PHACTR4: variants seen among roughly 807,000 people sequenced by gnomAD.
The protein encoded by PHACTR4 is protein phosphatase 1, regulatory subunit 124.
PHACTR4 carries 51 observed loss-of-function variants against 72.7 expected under a neutral mutation model. The observed-to-expected ratio is 0.70, with a 90% CI of 0.56 to 0.89. The LOEUF is 0.89. Ranked by LOEUF, PHACTR4 falls within the 40% of genes least tolerant of loss-of-function variation. The pLI is 0.00. For missense variants in PHACTR4, 731 were observed against 861.8 expected, an observed-to-expected ratio of 0.85 and a Z score of 1.90; for synonymous variants, 255 against 302.5, an observed-to-expected ratio of 0.84 and a Z score of 1.63.
chr1:28,481,423 G>A (rs1384269712), intron 9 of PHACTR4: 14 of 152,070 alleles, frequency 9.2e-5, no homozygotes, highest in African/African-American at 3.1e-4. Flanking sequence ...AGGCCCTTTG[G>A]GCCTGACAAC....
chr1:28,453,516 A>G (rs1658131160), intron 2 of PHACTR4: 3 of 569,422 alleles, frequency 5.3e-6, no homozygotes, highest in Non-Finnish European at 3.2e-6. Flanking sequence ...GTATATATAC[A>G]TAGGTGGTGG....
intron 6 of PHACTR4, among the ~76,000 whole-genome samples, chr1:28,469,798 G>T (rs1659446759): frequency 6.6e-6 from 1 of 151,892 alleles, no homozygotes; most frequent in Admixed American, 6.6e-5. Context: ...GCTCATGCCT[G>T]TAATCCCAGC....
At chr1:28,441,229 A>AT (rs970329040) in intron 2 of PHACTR4, among the ~76,000 whole-genome samples, 16 of 149,234 alleles carry the variant, frequency 1.1e-4, no homozygotes, top group Admixed American at 4.0e-4. Context: ...ATTTAATTTT[A>AT]TTTTTTTTTT....
Position 28,499,376 on chromosome 1 carries a change from C to A in PHACTR4, c.*2827C>A, listed in dbSNP as rs1661539924. 1 of 152,104 alleles carries A rather than the reference C, an allele frequency of 6.6e-6. No homozygotes were observed. The highest frequency in any genetic ancestry group is 2.1e-4 in the South Asian group (1 of 4,822). 9.4% of individuals were successfully genotyped at this position (152,104 alleles called of 1,614,324 possible). On this transcript the variant is annotated 3_prime_UTR_variant, in exon 14 of 14. Coordinates refer to ENST00000373839, the MANE Select transcript of PHACTR4 (RefSeq NM_001048183.3). ...TCTCAAACTCCCGACCTCAGGTGATCCACCCACCTCAGCCTCCCAAAGTGG... is the reference window on the plus strand; with the variant it reads ...TCTCAAACTCCCGACCTCAGGTGATACACCCACCTCAGCCTCCCAAAGTGG...
chr1:28,369,857 G>C (rs1393299410), intron 1 of PHACTR4, 32 bp downstream of exon 1: 12 of 439,818 alleles, frequency 2.7e-5, no homozygotes, highest in South Asian at 1.9e-4. Context: ...AAGTGAGCAG[G>C]ACGCGCTCAG....
At chr1:28,442,755 C>T (rs534264737) in intron 2 of PHACTR4, among the ~76,000 whole-genome samples, 1 of 152,222 alleles carries the variant, frequency 6.6e-6, no homozygotes, top group East Asian at 1.9e-4. Flanking sequence ...ATCCGCCTGC[C>T]TTGGCTTCCC....
intron 3 of PHACTR4, among the ~76,000 whole-genome samples, chr1:28,459,557 G>A (rs1323047552): frequency 1.3e-5 from 2 of 151,706 alleles, no homozygotes; most frequent in East Asian, 3.9e-4. Flanking sequence ...ATGAGCTACT[G>A]TGCCCAGTTA....
At chr1:28,487,416 G>T (rs1020524679) in intron 9 of PHACTR4, among the ~76,000 whole-genome samples, 3 of 150,550 alleles carry the variant, frequency 2.0e-5, no homozygotes, top group Non-Finnish European at 4.4e-5. Context: ...GAAGATCCTT[G>T]AGGTAGGAGG....
intron 1 of PHACTR4, among the ~76,000 whole-genome samples, chr1:28,371,250 C>A (rs1341215749): frequency 6.6e-6 from 1 of 152,096 alleles, no homozygotes; most frequent in Non-Finnish European, 1.5e-5. Flanking sequence ...ATGCCTGGGA[C>A]TAGAGGCATG....
intron 2 of PHACTR4, among the ~76,000 whole-genome samples, chr1:28,450,154 A>T (rs1418648485): frequency 1.3e-5 from 2 of 152,146 alleles, no homozygotes; most frequent in African/African-American, 4.8e-5. Flanking sequence ...CAAGACTGTC[A>T]ACTCTGTGAC....
intron 1 of PHACTR4, among the ~76,000 whole-genome samples, chr1:28,375,710 A>G (rs184334732): frequency 4.1e-4 from 62 of 152,196 alleles, no homozygotes; most frequent in African/African-American, 1.3e-3. Flanking sequence ...AATAAGTAAA[A>G]TAGGAAAGAG....
At chr1:28,488,821 G>A (rs774507757) in intron 9 of PHACTR4, among the ~76,000 whole-genome samples, 4 of 152,164 alleles carry the variant, frequency 2.6e-5, no homozygotes, top group East Asian at 3.8e-4. Flanking sequence ...TTCTGAAGGA[G>A]CAAATTTGTT....
chr1:28,401,387 A>G (rs1354033001), intron 1 of PHACTR4, among the ~76,000 whole-genome samples: 1 of 148,284 alleles, frequency 6.7e-6, no homozygotes, highest in Non-Finnish European at 1.5e-5. Context: ...GCTCACTGCA[A>G]CCTCCACCTC....
intron 5 of PHACTR4, 86 bp downstream of exon 5, chr1:28,465,935 T>C: frequency 1.5e-6 from 2 of 1,330,044 alleles, no homozygotes; most frequent in Non-Finnish European, 1.0e-6. Context: ...CAGGGAAAAG[T>C]GAAATCTAGA....
rs1661051565 is a variant in PHACTR4 at position 28,491,745 on chromosome 1, G to A, written c.1974G>A (p.Arg658=). Residue 658 remains arginine, a synonymous_variant, in exon 12 of 14, where the codon CGG becomes CGA. Coordinates refer to ENST00000373839, the MANE Select transcript of PHACTR4 (RefSeq NM_001048183.3). Reference sequence around the variant, plus strand: ...TAACAGATGCTCAAGATTATGACCGGCGAGCCGACAAACCTTGGACCAAAC... The same window carrying A: ...TAACAGATGCTCAAGATTATGACCGACGAGCCGACAAACCTTGGACCAAAC... The part of the protein sequence containing the change: ...VEVTDAQDYD[R]RADKPWTKLT... 2 of 1,613,978 alleles carry A rather than the reference G, an allele frequency of 1.2e-6. No individual in the cohort carries two copies. The highest frequency in any genetic ancestry group is 2.2e-5 in the South Asian group (2 of 91,082).
chr1:28,399,948 A>G (rs544768443), intron 1 of PHACTR4, among the ~76,000 whole-genome samples: 3 of 152,318 alleles, frequency 2.0e-5, no homozygotes, highest in South Asian at 4.1e-4. Context: ...TAGGGTAAGA[A>G]TGTGCTTGTT....
At chr1:28,437,498 A>G (rs990649232) in intron 2 of PHACTR4, among the ~76,000 whole-genome samples, 7 of 152,134 alleles carry the variant, frequency 4.6e-5, no homozygotes, top group Admixed American at 4.6e-4. Flanking sequence ...CCAAAGTGCT[A>G]GGATTACAGG....
At chr1:28,453,188 A>G (rs965478193) in intron 2 of PHACTR4, among the ~76,000 whole-genome samples, 7 of 152,226 alleles carry the variant, frequency 4.6e-5, no homozygotes, top group Non-Finnish European at 8.8e-5. Context: ...CTGTAATTTC[A>G]TAGCCACCTC....
rs553482103 is a variant in PHACTR4, at chr1:28,500,150, A to G, written c.*3601A>G. ...CTCTTTGGGTGTTTTGTTTTTATGT[A>G]TATAAAAATGGATTTTGTGTTCCCT... On this transcript the variant is annotated 3_prime_UTR_variant, in exon 14 of 14. Transcript: ENST00000373839. The G allele has an allele frequency of 1.3e-5, 2 of 152,086 alleles. No homozygotes were observed. Among genetic ancestry groups the G allele is most frequent in the Non-Finnish European group, 2.9e-5 (2 of 68,034 alleles). The allele number at this position is 152,086 out of a possible 1,614,324, so 9.4% of individuals were successfully genotyped here.
Sources: gnomAD v4.1 joint callset for allele counts (sites outside exome capture counted in the v4.1 genomes callset) on GRCh38, gnomAD v4.1.1 for gene constraint, MANE v1.5 for transcripts, NCBI Gene and HGNC (gene_info 2026-07-23, HGNC 2026-07-21) for gene names.